Variants in IFT80 observed in about 807,000 individuals in gnomAD.
IFT80 encodes intraflagellar transport protein 80 homolog.
IFT80 carries 79 observed loss-of-function variants against 107.9 expected under a neutral mutation model. The ratio of observed to expected loss-of-function variants is 0.73; its 90% confidence interval spans 0.61 to 0.88. The LOEUF (loss-of-function observed/expected upper bound fraction) is 0.88, where lower values mean the gene tolerates loss of function less well. Among genes scored for constraint, IFT80 ranks in the 40% least tolerant of loss-of-function variants. The probability of loss-of-function intolerance (pLI) is 0.00; values close to 1 mark genes in which losing one functional copy is unlikely to be tolerated. For missense variants in IFT80, 797 were observed against 914.2 expected (o/e 0.87, Z 1.65); for synonymous variants, 299 against 300.9 (o/e 0.99, Z 0.07).
intron 12 of IFT80, among the ~76,000 whole-genome samples, chr3:160,288,464 G>A (rs565650620): frequency 4.6e-5 from 7 of 152,134 alleles, no homozygotes; most frequent in African/African-American, 1.7e-4. Flanking sequence ...AAAAGCAATC[G>A]CAACAAAAGC....
rs536924838 is a variant in IFT80, at chr3:160,283,972, C to G, written c.1381-1359G>C. Among the ~76,000 whole-genome samples the G allele has an allele frequency of 1.2e-4, 18 of 152,256 alleles. No homozygotes were observed. The South Asian group carries it at 3.5e-3, about 30-fold the overall frequency. Reference sequence around the variant, plus strand: ...CCCTACACTAATTAATATTCATTTACTAATACACAGACTTGAGTTCTAGTT... The same window carrying G: ...CCCTACACTAATTAATATTCATTTAGTAATACACAGACTTGAGTTCTAGTT... On this transcript the variant is annotated intron_variant, in intron 13 of 19. Transcript: ENST00000326448.
At chr3:160,369,778 T>C (rs1353917128) in intron 5 of IFT80, among the ~76,000 whole-genome samples, 1 of 152,054 alleles carries the variant, frequency 6.6e-6, no homozygotes, top group Non-Finnish European at 1.5e-5. Context: ...ATTTCATCAT[T>C]AACAAAAATG....
At chr3:160,319,122 A>G (rs1299341546) in intron 9 of IFT80, among the ~76,000 whole-genome samples, 2 of 152,090 alleles carry the variant, frequency 1.3e-5, no homozygotes, top group Non-Finnish European at 2.9e-5. Flanking sequence ...CTTCAGGTCT[A>G]CATTTCCTCA....
intron 1 of IFT80, among the ~76,000 whole-genome samples, chr3:160,390,236 G>A (rs1435032830): frequency 6.6e-6 from 1 of 152,034 alleles, no homozygotes; most frequent in Non-Finnish European, 1.5e-5. Context: ...TGACAAACAT[G>A]CAGAAACCCT....
intron 8 of IFT80, among the ~76,000 whole-genome samples, chr3:160,355,187 T>C (rs1208299926): frequency 6.6e-6 from 1 of 152,326 alleles, no homozygotes; most frequent in East Asian, 1.9e-4. Context: ...TATTCTCTTG[T>C]GAGGAAAAAT....
intron 1 of IFT80, among the ~76,000 whole-genome samples, chr3:160,398,579 T>C (rs1714059803): frequency 6.6e-6 from 1 of 152,068 alleles, no homozygotes. Flanking sequence ...CACATAGAAT[T>C]ATGTATACAA....
chr3:160,353,194 G>T (rs1008126817), intron 8 of IFT80, among the ~76,000 whole-genome samples: 1 of 152,022 alleles, frequency 6.6e-6, no homozygotes, highest in Non-Finnish European at 1.5e-5. Flanking sequence ...TCCAACATTT[G>T]AATACTACCA....
Position 160,312,620 on chromosome 3 carries a change from A to T in IFT80, c.958-4839T>A, listed in dbSNP as rs1386120865. Among the ~76,000 whole-genome samples, 6 of 59,180 alleles carry T rather than the reference A, an allele frequency of 1.0e-4. No individual in the cohort carries two copies. In the East Asian group the frequency reaches 1.1e-3, roughly 10 times the overall value. 38.8% of individuals were successfully genotyped at this position (59,180 alleles called of 152,430 possible). The stretch of plus-strand genomic sequence containing the variant: ...AAATATATATTATATATAAATATAT[A>T]ATATATATATATAATAAATATATAT... On this transcript the variant is annotated intron_variant, in intron 9 of 19. Transcript: ENST00000326448.
At chr3:160,327,286 A>G (rs1466693608) in intron 8 of IFT80, among the ~76,000 whole-genome samples, 1 of 152,214 alleles carries the variant, frequency 6.6e-6, no homozygotes, top group Non-Finnish European at 1.5e-5. Context: ...ATTCCCATTA[A>G]ACTACCATTG....
intron 8 of IFT80, among the ~76,000 whole-genome samples, chr3:160,330,743 T>C (rs2108316636): frequency 6.6e-6 from 1 of 152,248 alleles, no homozygotes; most frequent in African/African-American, 2.4e-5. Flanking sequence ...TAGACCCCCA[T>C]TTACCTGTTA....
chr3:160,349,039 A>C (rs1559953830), intron 8 of IFT80, among the ~76,000 whole-genome samples: 1 of 152,194 alleles, frequency 6.6e-6, no homozygotes, highest in Non-Finnish European at 1.5e-5. Flanking sequence ...ATATAGTAAA[A>C]AACACTTTTT....
intron 8 of IFT80, among the ~76,000 whole-genome samples, chr3:160,335,093 C>T (rs1719363625): frequency 6.6e-6 from 1 of 151,476 alleles, no homozygotes; most frequent in African/African-American, 2.4e-5. Flanking sequence ...CGGATTTCTA[C>T]TTACCCTCAC....
chr3:160,366,147 G>A lies in IFT80; in HGVS notation c.445C>T (p.Pro149Ser), dbSNP rs1406450889. ...GGGCCCCACGCTACTGAATACACTG[G>A]TGTTCCTGTAAGATGAAAAAAGAAA... Reference protein sequence around the residue: ...LRSTLAQQGTPVYSVAWGPDS... With the variant: ...LRSTLAQQGTSVYSVAWGPDS... Residue 149 changes from proline to serine, a missense_variant, in exon 6 of 20, where the codon CCA (proline) becomes TCA (serine). Coordinates refer to ENST00000326448, the MANE Select transcript of IFT80 (RefSeq NM_020800.3). 1.9e-6 allele frequency: 3 copies of A among 1,606,122 alleles called. No homozygotes were observed. Among genetic ancestry groups the A allele is most frequent in the Non-Finnish European group, 2.6e-6 (3 of 1,173,772 alleles).
intron 5 of IFT80, among the ~76,000 whole-genome samples, chr3:160,370,089 A>G (rs1722128849): frequency 6.6e-6 from 1 of 152,186 alleles, no homozygotes; most frequent in Non-Finnish European, 1.5e-5. Flanking sequence ...AAGGAAGTAC[A>G]TGGTCAAATA....
intron 8 of IFT80, among the ~76,000 whole-genome samples, chr3:160,352,126 C>T (rs949911711): frequency 6.6e-6 from 1 of 151,752 alleles, no homozygotes; most frequent in African/African-American, 2.4e-5. Flanking sequence ...CGCCATTCTC[C>T]TGCCTCAGCA....
At chr3:160,313,671 G>C (rs1042560550) in intron 9 of IFT80, among the ~76,000 whole-genome samples, 1 of 150,050 alleles carries the variant, frequency 6.7e-6, no homozygotes, top group Admixed American at 6.7e-5. Context: ...GTGCAGTGGC[G>C]TGATCTCAGC....
intron 12 of IFT80, among the ~76,000 whole-genome samples, chr3:160,292,312 T>C (rs1411119781): frequency 6.6e-6 from 1 of 152,138 alleles, no homozygotes; most frequent in Non-Finnish European, 1.5e-5. Context: ...CAGAGAGATA[T>C]CTTCCCCAGA....
At chr3:160,386,950 T>A (rs1240043520) in intron 1 of IFT80, among the ~76,000 whole-genome samples, 5 of 152,106 alleles carry the variant, frequency 3.3e-5, no homozygotes, top group Admixed American at 3.3e-4. Context: ...AGTGGAGAAG[T>A]TATGAGCAAA....
Position 160,377,512 on chromosome 3 carries a change from T to A in IFT80, c.288A>T (p.Gly96=), listed in dbSNP as rs774929657. 1 of 1,606,228 alleles carries A rather than the reference T, an allele frequency of 6.2e-7. No individual in the cohort carries two copies. The highest frequency in any genetic ancestry group is 2.2e-5 in the East Asian group (1 of 44,730). Residue 96 remains glycine, a synonymous_variant, in exon 4 of 20, where the codon GGA becomes GGT. Transcript: ENST00000326448. ...DGKFHLISKL[G]RVEKSVEAHC... is the part of the protein sequence containing the mutation. ...GAGCTTCTACACTTTTTTCCACTCT[T>A]CCTAACTTGGAAATCAGATGAAATT...
Sources: gnomAD v4.1 joint callset for allele counts (sites outside exome capture counted in the v4.1 genomes callset) on GRCh38, gnomAD v4.1.1 for gene constraint, MANE v1.5 for transcripts, NCBI Gene and HGNC (gene_info 2026-07-23, HGNC 2026-07-21) for gene names.